Variants in PP2D1 observed in about 807,000 individuals in gnomAD.
The protein encoded by PP2D1 is protein phosphatase 2C like domain containing 1.
In PP2D1, 25 loss-of-function variants were observed where a neutral mutation model predicts 30.2. The observed-to-expected ratio is 0.83, with a 90% confidence interval of 0.60 to 1.16. The LOEUF is 1.16. Among genes scored for constraint, PP2D1 ranks in the 50% most tolerant of loss-of-function variants. PP2D1 has a pLI of 0.00. For missense variants in PP2D1, 760 were observed against 742.4 expected, an observed-to-expected ratio of 1.02 and a Z score of -0.28; for synonymous variants, 260 against 258.9, an observed-to-expected ratio of 1.00 and a Z score of -0.04.
At chr3:19,988,305 AG>A (rs1697069680) in intron 2 of PP2D1, among the ~76,000 whole-genome samples, 1 of 152,212 alleles carries the variant, frequency 6.6e-6, no homozygotes, top group South Asian at 2.1e-4. Flanking sequence ...ATGCATTCCT[AG>A]GGGGAGGTCT....
intron 1 of PP2D1, among the ~76,000 whole-genome samples, chr3:20,009,974 T>G (rs1328565903): frequency 1.3e-5 from 2 of 152,200 alleles, no homozygotes; most frequent in Admixed American, 6.5e-5. Flanking sequence ...CCTTTTTTAA[T>G]GGAAAATTTA....
At chr3:19,984,202 G>A (rs1479037406), downstream of PP2D1, 1 of 420,888 alleles carries the variant, frequency 2.4e-6, no homozygotes, top group Admixed American at 3.3e-5. Flanking sequence ...ACTAATTTGG[G>A]CTTTTCAAAA....
chr3:19,984,160 A>T (rs766421613), downstream of PP2D1: 2 of 382,048 alleles, frequency 5.2e-6, no homozygotes, highest in Non-Finnish European at 9.6e-6. Context: ...ACACTGGTAC[A>T]GTAGTCACCT....
chr3:19,986,359 G>C (rs982911026), intron 2 of PP2D1, among the ~76,000 whole-genome samples, 177 bp from the exon 3 acceptor site: 1 of 152,172 alleles, frequency 6.6e-6, no homozygotes, highest in African/African-American at 2.4e-5. Flanking sequence ...AGTAAATACA[G>C]ATTTCAAACA....
downstream of PP2D1, among the ~76,000 whole-genome samples, chr3:19,982,399 T>C (rs1333143442): frequency 6.6e-6 from 1 of 152,200 alleles, no homozygotes; most frequent in Admixed American, 6.5e-5. Context: ...GTATGCTAAG[T>C]TTTGACACAT....
At chr3:20,000,835 A>T (rs1166379575) in intron 2 of PP2D1, 195 bp downstream of exon 2, 2 of 384,102 alleles carry the variant, frequency 5.2e-6, no homozygotes, top group Non-Finnish European at 9.2e-6. Context: ...TCTTTAAAAA[A>T]TAATTACAAT....
chr3:19,998,852 C>T (rs1697215692), intron 2 of PP2D1, among the ~76,000 whole-genome samples: 1 of 152,092 alleles, frequency 6.6e-6, no homozygotes, highest in Non-Finnish European at 1.5e-5. Flanking sequence ...AAATTATTTT[C>T]TTATGGCTGA....
chr3:19,989,947 T>C (rs1193653226), intron 2 of PP2D1, among the ~76,000 whole-genome samples: 2 of 152,188 alleles, frequency 1.3e-5, no homozygotes, highest in Non-Finnish European at 2.9e-5. Context: ...ACAGGTTATT[T>C]TTATTTTAGT....
In PP2D1 at chr3:19,987,037, C is replaced by CAA. The variant is rs36014617; in HGVS notation, c.1091-857_1091-856dup. Among the ~76,000 whole-genome samples, 776 of 116,496 alleles carry CAA rather than the reference C, an allele frequency of 6.7e-3. 4 individuals are homozygous for CAA. Among genetic ancestry groups the CAA allele is most frequent in the African/African-American group, 0.024 (731 of 30,326 alleles). 76.4% of individuals were successfully genotyped at this position (116,496 alleles called of 152,430 possible). On this transcript the variant is annotated intron_variant, in intron 2 of 2. Transcript: ENST00000389050. The stretch of plus-strand genomic sequence containing the variant: ...GGGCAACAAGAGCAAAAATCTGCCT[C>CAA]AAAAAAAAAAAAAAAAATCATTCCT...
chr3:19,998,708 G>T (rs1237998827), intron 2 of PP2D1, among the ~76,000 whole-genome samples: 1 of 152,006 alleles, frequency 6.6e-6, no homozygotes, highest in African/African-American at 2.4e-5. Flanking sequence ...TCATTATAAG[G>T]TAATAATTTT....
chr3:20,008,749 C>T (rs1394301082), intron 1 of PP2D1, among the ~76,000 whole-genome samples: 1 of 152,042 alleles, frequency 6.6e-6, no homozygotes, highest in Admixed American at 6.6e-5. Flanking sequence ...GACCAGGTCT[C>T]TTAAACAAAA....
intron 1 of PP2D1, among the ~76,000 whole-genome samples, chr3:20,010,910 C>T (rs1375936934): frequency 6.6e-6 from 1 of 152,126 alleles, no homozygotes; most frequent in African/African-American, 2.4e-5. Flanking sequence ...TGCACCCTGC[C>T]CTTGAAGCTA....
chr3:20,002,323 G>C (rs993562761), intron 1 of PP2D1, among the ~76,000 whole-genome samples: 5 of 152,158 alleles, frequency 3.3e-5, no homozygotes, highest in Admixed American at 6.5e-5. Context: ...AAGTCAGCTA[G>C]ACATCTAAGC....
At chr3:20,000,724 A>T (rs2623078) in intron 2 of PP2D1, among the ~76,000 whole-genome samples, 32,566 of 152,156 alleles carry the variant, frequency 0.21, 3,861 homozygotes, top group South Asian at 0.32. Flanking sequence ...GTTCAGATTT[A>T]AGCATATGTA....
Position 20,001,589 on chromosome 3 carries a change from C to T in PP2D1, c.531G>A (p.Arg177=), listed in dbSNP as rs1697253667. Residue 177 remains arginine, a synonymous_variant, in exon 2 of 3, where the codon AGG becomes AGA. Coordinates refer to ENST00000389050, the MANE Select transcript of PP2D1 (RefSeq NM_001252657.2). ...LIKGVGICED[R]NSTWKADMND... ...TCATGTCAGCTTTCCATGTAGAATTCCTGTCTTCACAAATGCCCACTCCTT... is the reference window on the plus strand; with the variant it reads ...TCATGTCAGCTTTCCATGTAGAATTTCTGTCTTCACAAATGCCCACTCCTT... 1.3e-6 allele frequency: 2 copies of T among 1,536,244 alleles called. No individual in the cohort carries two copies. The highest frequency in any genetic ancestry group is 1.7e-6 in the Non-Finnish European group (2 of 1,146,970).
Position 19,994,743 on chromosome 3 carries a change from A to T in PP2D1, c.1090+6287T>A, listed in dbSNP as rs555334262. On this transcript the variant is annotated intron_variant, in intron 2 of 2. Coordinates refer to ENST00000389050, the MANE Select transcript of PP2D1 (RefSeq NM_001252657.2). ...AGTCCAGGGAAACCAATGCAGCTAG[A>T]GCTTGCTGAGGACAGAATACCAGAG... 1.6e-4 allele frequency among the ~76,000 whole-genome samples: 24 copies of T among 152,344 alleles called. 1 individual carries two copies. In the East Asian group the frequency reaches 4.0e-3, roughly 26 times the overall value.
chr3:20,009,246 G>A (rs1697357923), intron 1 of PP2D1, among the ~76,000 whole-genome samples: 4 of 152,166 alleles, frequency 2.6e-5, no homozygotes, highest in Admixed American at 2.0e-4. Context: ...AGGGCTGCTT[G>A]AGGCCAGGAG....
rs1305853245 is a variant in PP2D1, at chr3:20,007,152, G to GT, written c.23+4897dup. ...CTCCCAAAGTCCTAGGATTACAGGC[G>GT]TAAGCCACCGCACCCGGGCCCTCCT... On this transcript the variant is annotated intron_variant, in intron 1 of 2. Coordinates refer to ENST00000389050, the MANE Select transcript of PP2D1 (RefSeq NM_001252657.2). 4.6e-5 allele frequency among the ~76,000 whole-genome samples: 7 copies of GT among 152,140 alleles called. No individual in the cohort carries two copies. In the East Asian group the frequency reaches 1.4e-3, roughly 29 times the overall value.
chr3:20,001,707 A>C lies in PP2D1; in HGVS notation c.413T>G (p.Leu138Arg). 2.6e-6 allele frequency: 4 copies of C among 1,533,710 alleles called. No homozygotes were observed. In the South Asian group the frequency reaches 4.8e-5, roughly 18 times the overall value. ...GTATGCTGGTATTTGTTTTTTCCAA[A>C]GCAGCTCAAAAGCATTATTAATGCT... ...LQSINNAFEL[L>R]WKKQIPAYYK... The change falls in exon 2 of 3, where the codon CTT becomes CGT. Residue 138 changes from leucine (L) to arginine (R), a missense_variant. Leu to Arg is a moderately radical substitution (Grantham distance 102). Coordinates refer to ENST00000389050, the MANE Select transcript of PP2D1 (RefSeq NM_001252657.2).
Sources: gnomAD v4.1 joint callset for allele counts (sites outside exome capture counted in the v4.1 genomes callset) on GRCh38, gnomAD v4.1.1 for gene constraint, MANE v1.5 for transcripts, NCBI Gene and HGNC (gene_info 2026-07-23, HGNC 2026-07-21) for gene names.